SLC8A1: variants seen among roughly 807,000 people sequenced by gnomAD.
SLC8A1 encodes solute carrier family 8 member A1.
In SLC8A1, 18 loss-of-function variants were observed where a neutral mutation model predicts 68.3. That is an observed-to-expected ratio of 0.26 (90% CI 0.18 to 0.39). The LOEUF (loss-of-function observed/expected upper bound fraction) is 0.39. Among genes scored for constraint, SLC8A1 ranks in the 10% least tolerant of loss-of-function variants. SLC8A1 has a pLI of 1.00. For missense variants in SLC8A1, 985 were observed against 1,156.7 expected (o/e 0.85, Z 2.15); for synonymous variants, 475 against 415.5 (o/e 1.14, Z -1.74).
intron 2 of SLC8A1, among the ~76,000 whole-genome samples, chr2:40,210,185 C>T (rs1302976402): frequency 6.6e-6 from 1 of 152,128 alleles, no homozygotes; most frequent in Non-Finnish European, 1.5e-5. Flanking sequence ...TATACAGTAC[C>T]TATTTAAATA....
At chr2:40,238,921 A>G (rs1008999398) in intron 2 of SLC8A1, among the ~76,000 whole-genome samples, 15 of 152,186 alleles carry the variant, frequency 9.9e-5, no homozygotes, top group South Asian at 4.1e-4. Flanking sequence ...GTAACCTTTT[A>G]AATGAACATA....
chr2:40,455,035 C>T (rs917432461), upstream of SLC8A1, among the ~76,000 whole-genome samples: 11 of 152,258 alleles, frequency 7.2e-5, no homozygotes, highest in African/African-American at 2.2e-4. Flanking sequence ...TAAGAGTCAC[C>T]GGGTCTCCAC....
At position 40,385,571 on chromosome 2, in the gene SLC8A1, AG is replaced by A. The variant is rs1449644419; in HGVS notation, c.1808+42901del. On this transcript the variant is annotated intron_variant, in intron 2 of 7. Transcript: ENST00000406785. Reference sequence around the variant, plus strand: ...TAATGTAAAAGTTATCATATCAACAAGGAAAAAAATGTACCATGAGGAGCAA... The same window carrying A: ...TAATGTAAAAGTTATCATATCAACAAGAAAAAAATGTACCATGAGGAGCAA... Among the ~76,000 whole-genome samples the A allele has an allele frequency of 2.6e-5, 4 of 151,224 alleles. 1 individual carries two copies. Among genetic ancestry groups the A allele is most frequent in the African/African-American group, 4.9e-5 (2 of 40,674 alleles).
At chr2:40,379,121 T>C (rs1680892988) in intron 2 of SLC8A1, among the ~76,000 whole-genome samples, 1 of 152,150 alleles carries the variant, frequency 6.6e-6, no homozygotes, top group African/African-American at 2.4e-5. Flanking sequence ...AGTGAATAAA[T>C]GCAAATACCT....
At chr2:40,331,749 G>A (rs1295877920) in intron 2 of SLC8A1, among the ~76,000 whole-genome samples, 2 of 151,746 alleles carry the variant, frequency 1.3e-5, no homozygotes, top group East Asian at 1.9e-4. Context: ...GGCCACCACT[G>A]TGCCCATCTA....
intron 1 of SLC8A1, among the ~76,000 whole-genome samples, chr2:40,499,680 G>A (rs986596459): frequency 3.9e-5 from 6 of 152,030 alleles, no homozygotes; most frequent in Non-Finnish European, 5.9e-5. Flanking sequence ...CCAGGACCTA[G>A]GACAATCTTC....
chr2:40,278,734 C>T (rs1162680537), intron 2 of SLC8A1, among the ~76,000 whole-genome samples: 2 of 152,074 alleles, frequency 1.3e-5, no homozygotes, highest in Non-Finnish European at 2.9e-5. Flanking sequence ...CACTTCATCT[C>T]GCTTTTCTTT....
At chr2:40,186,610 G>A (rs979935554) in intron 2 of SLC8A1, among the ~76,000 whole-genome samples, 13 of 152,110 alleles carry the variant, frequency 8.5e-5, no homozygotes, top group Non-Finnish European at 1.8e-4. Context: ...CATTTGGGGG[G>A]ATAGTCATAA....
chr2:40,460,243 A>C (rs1559746123), intron 1 of SLC8A1, among the ~76,000 whole-genome samples: 1 of 152,244 alleles, frequency 6.6e-6, no homozygotes, highest in African/African-American at 2.4e-5. Context: ...AAAGAAAAAT[A>C]AAAATCTCTG....
At chr2:40,358,829 C>T (rs1250246166) in intron 2 of SLC8A1, among the ~76,000 whole-genome samples, 1 of 152,186 alleles carries the variant, frequency 6.6e-6, no homozygotes, top group African/African-American at 2.4e-5. Context: ...TACAATGACA[C>T]ACTGAAGCGT....
chr2:40,334,696 A>C (rs1460446402), intron 2 of SLC8A1, among the ~76,000 whole-genome samples: 1 of 152,220 alleles, frequency 6.6e-6, no homozygotes, highest in Non-Finnish European at 1.5e-5. Flanking sequence ...TTACGCACTA[A>C]TGGCAAAATT....
intron 7 of SLC8A1, among the ~76,000 whole-genome samples, chr2:40,127,352 C>A (rs1000677844): frequency 6.6e-6 from 1 of 152,136 alleles, no homozygotes; most frequent in African/African-American, 2.4e-5. Context: ...GGAAGCACGT[C>A]CAACCACTTC....
intron 2 of SLC8A1, among the ~76,000 whole-genome samples, chr2:40,317,024 G>A (rs1575348123): frequency 1.3e-5 from 2 of 152,104 alleles, no homozygotes; most frequent in South Asian, 2.1e-4. Context: ...CTCATACGGA[G>A]TAAGTGCTCA....
At chr2:40,175,740 G>C (rs1370976261) in intron 3 of SLC8A1, among the ~76,000 whole-genome samples, 2 of 152,004 alleles carry the variant, frequency 1.3e-5, no homozygotes, top group African/African-American at 4.8e-5. Context: ...AGGAACTCAG[G>C]TATCACACCT....
At chr2:40,162,054 A>C (rs996175827) in intron 5 of SLC8A1, among the ~76,000 whole-genome samples, 8 of 152,204 alleles carry the variant, frequency 5.3e-5, no homozygotes, top group African/African-American at 1.7e-4. Context: ...AAACATTGAG[A>C]AGATAATAAG....
intron 6 of SLC8A1, among the ~76,000 whole-genome samples, chr2:40,150,986 T>A (rs1037001613): frequency 1.3e-5 from 2 of 152,180 alleles, no homozygotes; most frequent in African/African-American, 4.8e-5. Flanking sequence ...ATAGTTTATA[T>A]CTGGAACTTA....
intron 2 of SLC8A1, among the ~76,000 whole-genome samples, chr2:40,309,774 G>C (rs1054588436): frequency 2.0e-5 from 3 of 152,082 alleles, no homozygotes; most frequent in Non-Finnish European, 4.4e-5. Flanking sequence ...AAAGTGCTGG[G>C]ATTACAGGCG....
intron 1 of SLC8A1, among the ~76,000 whole-genome samples, chr2:40,441,155 C>T (rs1349867757): frequency 6.6e-6 from 1 of 152,094 alleles, no homozygotes; most frequent in Non-Finnish European, 1.5e-5. Flanking sequence ...AAAGCCAAAT[C>T]ATGAATGAAT....
At chr2:40,350,160 A>G (rs1670608085) in intron 2 of SLC8A1, among the ~76,000 whole-genome samples, 1 of 152,128 alleles carries the variant, frequency 6.6e-6, no homozygotes. Flanking sequence ...GATCTAAACA[A>G]CTCAGAATTC....
Sources: allele counts gnomAD v4.1 joint callset (sites outside exome capture counted in the v4.1 genomes callset), GRCh38; gene constraint gnomAD v4.1.1; transcripts MANE v1.5; gene names NCBI Gene and HGNC (gene_info 2026-07-23, HGNC 2026-07-21).